Variants in TG observed in about 807,000 individuals in gnomAD.
TG encodes the protein thyroid hormones.
TG carries 270 observed loss-of-function variants against 324.7 expected under a neutral mutation model. The ratio of observed to expected loss-of-function variants is 0.83; its 90% CI spans 0.75 to 0.92. The LOEUF is 0.92. Among genes scored for constraint, TG ranks in the 40% least tolerant of loss-of-function variants. The probability of loss-of-function intolerance (pLI) is 0.00; values close to 1 mark genes in which losing one functional copy is unlikely to be tolerated. For missense variants in TG, 3,591 were observed against 3,456.4 expected, an observed-to-expected ratio of 1.04 and a Z score of -0.98; for synonymous variants, 1,401 against 1,327.0, an observed-to-expected ratio of 1.06 and a Z score of -1.21.
intron 45 of TG, among the ~76,000 whole-genome samples, chr8:133,129,324 T>C (rs926305011): frequency 3.3e-5 from 5 of 152,186 alleles, no homozygotes; most frequent in Non-Finnish European, 4.4e-5. Flanking sequence ...TCGCAGACAG[T>C]GGTGGCCTGG....
rs745469083 is a variant in TG, at chr8:132,867,053, C to T, written c.53C>T (p.Ser18Leu). 72 of 1,599,400 alleles carry T rather than the reference C, an allele frequency of 4.5e-5. 1 individual carries two copies. The highest frequency in any genetic ancestry group is 1.1e-4 in the African/African-American group (8 of 74,632). The change falls in exon 1 of 48, where the codon TCG (serine) becomes TTG (leucine). Residue 18 changes from serine to leucine, a missense_variant. Physicochemically the swap from Ser to Leu is moderately radical, Grantham distance 145. Coordinates refer to ENST00000220616, the MANE Select transcript of TG (RefSeq NM_003235.5). ...FTLLASICWV[S>L]ANIFEYQVDA... ...CTGCTGGCCTCCATCTGCTGGGTGTCGGCCAATATCTTCGGTAAGTTCTGA... is the reference window on the plus strand; with the variant it reads ...CTGCTGGCCTCCATCTGCTGGGTGTTGGCCAATATCTTCGGTAAGTTCTGA...
intron 13 of TG, 92 bp from the exon 14 acceptor site, chr8:132,898,706 C>A: frequency 9.4e-7 from 1 of 1,062,856 alleles, no homozygotes; most frequent in Non-Finnish European, 1.4e-6. Context: ...TTCACCCAGG[C>A]TCATGACCCT....
chr8:132,968,125 G>A (rs1054250354), intron 31 of TG, among the ~76,000 whole-genome samples, 155 bp downstream of exon 31: 7 of 151,906 alleles, frequency 4.6e-5, no homozygotes, highest in African/African-American at 1.2e-4. Flanking sequence ...AAACTTTCAC[G>A]GTTAGAATCA....
chr8:132,944,116 G>A (rs1220843435), intron 26 of TG, among the ~76,000 whole-genome samples: 4 of 152,134 alleles, frequency 2.6e-5, no homozygotes, highest in African/African-American at 9.7e-5. Flanking sequence ...CTCAGTGAAG[G>A]GCACCTGAGC....
chr8:133,120,360 T>C (rs1475134526), intron 45 of TG, among the ~76,000 whole-genome samples: 1 of 152,206 alleles, frequency 6.6e-6, no homozygotes, highest in African/African-American at 2.4e-5. Context: ...TGAGAATCAA[T>C]AGTGCTTGGG....
intron 41 of TG, chr8:133,038,646 G>A: frequency 6.2e-7 from 1 of 1,613,570 alleles, no homozygotes; most frequent in Non-Finnish European, 8.5e-7. Context: ...GTCAGGGACA[G>A]GTAAGAGGCA....
At chr8:133,049,646 T>C in intron 41 of TG, 1 of 480,082 alleles carries the variant, frequency 2.1e-6, no homozygotes, top group East Asian at 3.9e-5. Context: ...TACCACTCTG[T>C]GCCAGGAGCA....
intron 5 of TG, among the ~76,000 whole-genome samples, chr8:132,875,851 G>A (rs1445345057): frequency 1.3e-5 from 2 of 152,146 alleles, no homozygotes; most frequent in Non-Finnish European, 2.9e-5. Context: ...GGGATTTTCC[G>A]ATACTTAAGT....
At chr8:132,999,660 C>T (rs1564059078) in intron 35 of TG, among the ~76,000 whole-genome samples, 1 of 152,188 alleles carries the variant, frequency 6.6e-6, no homozygotes, top group Non-Finnish European at 1.5e-5. Context: ...ATAGGCCTAT[C>T]ACATTTTTAA....
intron 41 of TG, among the ~76,000 whole-genome samples, chr8:133,055,873 G>T (rs1439196237): frequency 6.7e-6 from 1 of 148,684 alleles, no homozygotes; most frequent in Non-Finnish European, 1.5e-5. Flanking sequence ...GCAGCAGCAG[G>T]GCGCACAGCT....
intron 43 of TG, chr8:133,102,970 G>A (rs1202919416): frequency 1.6e-5 from 4 of 254,442 alleles, no homozygotes; most frequent in African/African-American, 6.7e-5. Flanking sequence ...CCGAGGCGCT[G>A]GCACGAGCCC....
At chr8:132,899,075 A>G in intron 14 of TG, 165 bp downstream of exon 14, 2 of 695,194 alleles carry the variant, frequency 2.9e-6, no homozygotes, top group South Asian at 1.5e-5. Flanking sequence ...ACCTTGGGCT[A>G]TTTACTTACC....
At position 132,972,805 on chromosome 8, in the gene TG, T is replaced by C. The variant is rs112199731; in HGVS notation, c.6199+64T>C. On this transcript the variant is annotated intron_variant, in intron 34 of 47. Transcript: ENST00000220616. The stretch of plus-strand genomic sequence containing the variant: ...AGTTAACTATTTCCCAGCCATGCAT[T>C]AGGACAATATTCTTGGATTGGTGAG... 1.1e-3 allele frequency: 1,796 copies of C among 1,597,802 alleles called. 24 individuals carry two copies. The African/African-American group carries it at 0.02, about 18-fold the overall frequency.
intron 23 of TG, among the ~76,000 whole-genome samples, chr8:132,930,766 G>A (rs1198881806): frequency 6.6e-6 from 1 of 152,050 alleles, no homozygotes; most frequent in East Asian, 1.9e-4. Flanking sequence ...GGCAAGCAGG[G>A]AAAACACGTC....
intron 23 of TG, among the ~76,000 whole-genome samples, chr8:132,929,718 CT>C (rs1563966928): frequency 6.6e-6 from 1 of 152,112 alleles, no homozygotes; most frequent in African/African-American, 2.4e-5. Context: ...AGCCTGCAGT[CT>C]TTTTTTGTTT....
At chr8:132,923,300 G>A in intron 21 of TG, 38 bp from the exon 22 acceptor site, 1 of 1,611,884 alleles carries the variant, frequency 6.2e-7, no homozygotes, top group Non-Finnish European at 8.5e-7. Context: ...GATTCCAGAG[G>A]CCCATTATTG....
chr8:133,056,079 G>A (rs924939307), intron 41 of TG, among the ~76,000 whole-genome samples: 1 of 152,146 alleles, frequency 6.6e-6, no homozygotes, highest in African/African-American at 2.4e-5. Flanking sequence ...GTCTCCCTGG[G>A]CAGGGCAGGG....
intron 35 of TG, among the ~76,000 whole-genome samples, chr8:132,992,908 C>T (rs1008223710): frequency 6.6e-6 from 1 of 152,214 alleles, no homozygotes; most frequent in African/African-American, 2.4e-5. Flanking sequence ...GTTGCTTGCC[C>T]TCTCTGGAAT....
chr8:133,002,651 T>A, intron 35 of TG: 1 of 214,656 alleles, frequency 4.7e-6, no homozygotes, highest in Non-Finnish European at 9.6e-6. Flanking sequence ...CTCTGGCCTT[T>A]CCCACTGGTT....
Sources: allele counts gnomAD v4.1 joint callset (sites outside exome capture counted in the v4.1 genomes callset), GRCh38; gene constraint gnomAD v4.1.1; transcripts MANE v1.5; gene names NCBI Gene and HGNC (gene_info 2026-07-23, HGNC 2026-07-21).